Variants in B4GALNT3 observed in about 807,000 individuals in gnomAD.
B4GALNT3 encodes the protein beta-1,4-N-acetylgalactosaminyltransferase 3.
B4GALNT3 carries 86 observed loss-of-function variants against 120.2 expected under a neutral mutation model. The ratio of observed to expected loss-of-function variants is 0.72; its 90% CI spans 0.60 to 0.86. B4GALNT3 has a LOEUF of 0.86. Among genes scored for constraint, B4GALNT3 ranks in the 40% least tolerant of loss-of-function variants. The probability of loss-of-function intolerance (pLI) is 0.00; values close to 1 mark genes in which losing one functional copy is unlikely to be tolerated. For synonymous variants in B4GALNT3, 518 were observed against 510.4 expected (o/e 1.01, Z -0.20); for missense variants, 1,167 against 1,298.9 (o/e 0.90, Z 1.56).
At chr12:505,957 G>A (rs1185533045) in intron 1 of B4GALNT3, among the ~76,000 whole-genome samples, 1 of 152,164 alleles carries the variant, frequency 6.6e-6, no homozygotes, top group South Asian at 2.1e-4. Context: ...TCTTTCATTT[G>A]CATAGATCTG....
intron 1 of B4GALNT3, among the ~76,000 whole-genome samples, chr12:463,145 T>C (rs1946039016): frequency 6.6e-6 from 1 of 152,218 alleles, no homozygotes; most frequent in African/African-American, 2.4e-5. Flanking sequence ...CAGCTCCCTG[T>C]CATCTGGAAG....
chr12:530,464 T>G (rs1946795772), intron 1 of B4GALNT3, among the ~76,000 whole-genome samples: 1 of 152,222 alleles, frequency 6.6e-6, no homozygotes, highest in Admixed American at 6.5e-5. Context: ...GAGACTTCCT[T>G]TCTCTTGGGT....
At chr12:546,540 CT>C (rs764167431) in intron 6 of B4GALNT3, 105 bp from the exon 7 acceptor site, 62 of 1,024,400 alleles carry the variant, frequency 6.1e-5, no homozygotes, top group Non-Finnish European at 8.3e-5. Context: ...GTCTTCCTCC[CT>C]TTTTCTCTCA....
intron 1 of B4GALNT3, among the ~76,000 whole-genome samples, chr12:517,441 AG>A (rs1362492896): frequency 6.6e-6 from 1 of 152,152 alleles, no homozygotes; most frequent in African/African-American, 2.4e-5. Context: ...TTAGAAACAA[AG>A]CTTCTGGGTT....
intron 1 of B4GALNT3, among the ~76,000 whole-genome samples, chr12:481,587 A>G (rs1946242947): frequency 6.6e-6 from 1 of 152,186 alleles, no homozygotes; most frequent in African/African-American, 2.4e-5. Context: ...GGCCCCAGTC[A>G]TTACCTCACC....
intron 3 of B4GALNT3, among the ~76,000 whole-genome samples, chr12:539,779 C>T (rs532526077): frequency 6.6e-5 from 10 of 152,182 alleles, no homozygotes; most frequent in South Asian, 6.2e-4. Flanking sequence ...GCTGTAGTGC[C>T]GTGTACCTGT....
chr12:557,775 C>A lies in B4GALNT3; in HGVS notation c.2534+14C>A, dbSNP rs746121426. On this transcript the variant is annotated intron_variant, in intron 16 of 19. Coordinates refer to ENST00000266383, the MANE Select transcript of B4GALNT3 (RefSeq NM_173593.4). Reference sequence around the variant, plus strand: ...CAAGCTGCGGAGGTGAGGGGGACCACCAGCCAGGGGGTGGCATGGGCCACG... The same window carrying A: ...CAAGCTGCGGAGGTGAGGGGGACCAACAGCCAGGGGGTGGCATGGGCCACG... 2.5e-6 allele frequency: 4 copies of A among 1,596,022 alleles called. No individual in the cohort carries two copies. Among genetic ancestry groups the A allele is most frequent in the African/African-American group, 2.7e-5 (2 of 73,894 alleles).
At chr12:538,432 G>A (rs1281992452) in intron 3 of B4GALNT3, among the ~76,000 whole-genome samples, 2 of 151,746 alleles carry the variant, frequency 1.3e-5, no homozygotes, top group Non-Finnish European at 2.9e-5. Context: ...GGTGATGCAC[G>A]CCTGTGGTCC....
intron 1 of B4GALNT3, among the ~76,000 whole-genome samples, chr12:502,436 T>A (rs546338578): frequency 1.3e-5 from 2 of 152,170 alleles, no homozygotes; most frequent in Admixed American, 1.3e-4. Context: ...GCTTTAGGGG[T>A]CTGCTTCCAG....
chr12:460,518 C>G lies in B4GALNT3; in HGVS notation c.142C>G (p.Gln48Glu). The change falls in exon 1 of 20, where the codon CAG becomes GAG. Residue 48 changes from glutamine to glutamate, a missense_variant. Gln to Glu is a conservative substitution (Grantham distance 29, BLOSUM62 2). Coordinates refer to ENST00000266383, the MANE Select transcript of B4GALNT3 (RefSeq NM_173593.4). The surrounding 1 kb of genome is among the most constrained non-coding windows in gnomAD (Gnocchi z 8.0). ...TLYLELVASA[Q>E]VGGNPLNRRY... is the part of the protein sequence containing the mutation. ...GTATCTGGAACTGGTGGCGTCGGCC[C>G]AGGTCGGCGGGAACCCCCTGAACCG... 6.4e-6 allele frequency: 10 copies of G among 1,557,098 alleles called. No homozygotes were observed. In the Admixed American group the frequency reaches 1.1e-4, roughly 17 times the overall value.
rs530360563 is a variant in B4GALNT3, at chr12:488,687, G to A, written c.169+28142G>A. ...AATTTTTAAAATTTTTTTAACAATG[G>A]CACATGCATGTAGCTCCAGCTACTT... On this transcript the variant is annotated intron_variant, in intron 1 of 19. Transcript: ENST00000266383. Among the ~76,000 whole-genome samples, 6 of 152,008 alleles carry A rather than the reference G, an allele frequency of 3.9e-5. No homozygotes were observed. The South Asian group carries it at 1.3e-3, about 32-fold the overall frequency.
chr12:517,119 A>T (rs1054943183), intron 1 of B4GALNT3, among the ~76,000 whole-genome samples: 1 of 152,160 alleles, frequency 6.6e-6, no homozygotes, highest in Non-Finnish European at 1.5e-5. Context: ...GTGAGTAAGA[A>T]AATTCACTGT....
At chr12:504,182 G>C (rs1057164031) in intron 1 of B4GALNT3, among the ~76,000 whole-genome samples, 3 of 151,438 alleles carry the variant, frequency 2.0e-5, no homozygotes, top group Non-Finnish European at 4.4e-5. Context: ...AGTGAAGGCT[G>C]AGGCAGGAGG....
rs77217488 is a variant in B4GALNT3, at chr12:550,495, C to A, written c.998-427C>A. Among the ~76,000 whole-genome samples, 340 of 115,616 alleles carry A rather than the reference C, an allele frequency of 2.9e-3. 2 individuals are homozygous for A. The highest frequency in any genetic ancestry group is 8.8e-3 in the African/African-American group (288 of 32,598). The allele number at this position is 115,616 out of a possible 152,430, so 75.8% of individuals were successfully genotyped here. A position where few individuals can be genotyped will look rare whatever the true frequency, so the allele number is the denominator to read the frequency against. On this transcript the variant is annotated intron_variant, in intron 10 of 19. Coordinates refer to ENST00000266383, the MANE Select transcript of B4GALNT3 (RefSeq NM_173593.4). The surrounding 1 kb of genome is among the most constrained non-coding windows in gnomAD (Gnocchi z 4.1). ...CAGAGTGAGATCCTGTCAAAAAAAA[C>A]AAACAAACAAAAAAAACAACAAAGT...
intron 1 of B4GALNT3, among the ~76,000 whole-genome samples, chr12:472,976 CTT>C (rs71439341): frequency 1.4e-5 from 2 of 146,664 alleles, no homozygotes; most frequent in Non-Finnish European, 1.5e-5. Flanking sequence ...TGTTCAAACA[CTT>C]TTTTTTTTTT....
At chr12:512,741 GA>G (rs1946604039) in intron 1 of B4GALNT3, among the ~76,000 whole-genome samples, 1 of 41,804 alleles carries the variant, frequency 2.4e-5, no homozygotes, top group Non-Finnish European at 4.5e-5. Context: ...TTCCACCTTT[GA>G]CCTTCCACCT....
At chr12:516,602 A>G (rs538928862) in intron 1 of B4GALNT3, among the ~76,000 whole-genome samples, 35 of 152,358 alleles carry the variant, frequency 2.3e-4, no homozygotes, top group African/African-American at 8.4e-4. Flanking sequence ...GAGTGAAAGC[A>G]GGTACCATTA....
At chr12:486,554 C>T (rs563895191) in intron 1 of B4GALNT3, among the ~76,000 whole-genome samples, 18 of 152,194 alleles carry the variant, frequency 1.2e-4, no homozygotes, top group African/African-American at 3.9e-4. Context: ...AACTATTTTA[C>T]GAGCCTGACT....
At chr12:539,426 T>A (rs1946893017) in intron 3 of B4GALNT3, among the ~76,000 whole-genome samples, 1 of 152,030 alleles carries the variant, frequency 6.6e-6, no homozygotes, top group African/African-American at 2.4e-5. Flanking sequence ...TCAAAGCAAG[T>A]GAGATCAGAG....
Sources: gnomAD v4.1 joint callset for allele counts (sites outside exome capture counted in the v4.1 genomes callset) on GRCh38, gnomAD v4.1.1 for gene constraint, Gnocchi (gnomAD v3.1) non-coding constraint, MANE v1.5 for transcripts, NCBI Gene and HGNC (gene_info 2026-07-23, HGNC 2026-07-21) for gene names.